The following TOB2 variants were observed in gnomAD, a reference collection of about 807,000 sequenced individuals.
The protein encoded by TOB2 is transducer of ERBB2, 2.
In TOB2, 3 loss-of-function variants were observed where a neutral mutation model predicts 17.3. That is an observed-to-expected ratio of 0.17 (90% CI 0.08 to 0.45). The LOEUF (loss-of-function observed/expected upper bound fraction) is 0.45. Ranked by LOEUF, TOB2 falls within the 20% of genes least tolerant of loss-of-function variation. The pLI is 0.99. For synonymous variants in TOB2, 163 were observed against 185.6 expected (o/e 0.88, Z 0.99); for missense variants, 407 against 445.7 (o/e 0.91, Z 0.78).
chr22:41,439,037 A>G (rs1707508986), intron 1 of TOB2, among the ~76,000 whole-genome samples: 1 of 152,196 alleles, frequency 6.6e-6, no homozygotes. Context: ...GAGGTCAAAA[A>G]GGTTTATTCC....
intron 1 of TOB2, among the ~76,000 whole-genome samples, chr22:41,442,625 A>G (rs539819196): frequency 6.6e-6 from 1 of 152,330 alleles, no homozygotes; most frequent in African/African-American, 2.4e-5. Flanking sequence ...TACAAAAATG[A>G]TGGACAACCA....
intron 1 of TOB2, among the ~76,000 whole-genome samples, chr22:41,439,150 T>G (rs2037586949): frequency 6.6e-6 from 1 of 152,162 alleles, no homozygotes; most frequent in Non-Finnish European, 1.5e-5. Flanking sequence ...CCGGGGCTCA[T>G]GCTGGGGGAG....
intron 1 of TOB2, among the ~76,000 whole-genome samples, chr22:41,444,160 G>A (rs756489162): frequency 8.5e-5 from 13 of 152,160 alleles, no homozygotes; most frequent in Non-Finnish European, 1.9e-4. Context: ...AGAGCCAAAC[G>A]CAGGCAGCTC....
At chr22:41,440,925 C>G (rs1051923642) in intron 1 of TOB2, among the ~76,000 whole-genome samples, 8 of 151,490 alleles carry the variant, frequency 5.3e-5, no homozygotes, top group African/African-American at 1.9e-4. Flanking sequence ...CCAGGCTGTT[C>G]TTGAACTCCT....
intron 1 of TOB2, among the ~76,000 whole-genome samples, chr22:41,441,579 G>C (rs543117787): frequency 6.6e-6 from 1 of 152,134 alleles, no homozygotes; most frequent in Non-Finnish European, 1.5e-5. Context: ...AGGAATTCAA[G>C]ACCAGCCTGG....
At chr22:41,441,787 TG>T (rs1273014344) in intron 1 of TOB2, among the ~76,000 whole-genome samples, 7 of 151,694 alleles carry the variant, frequency 4.6e-5, no homozygotes, top group Non-Finnish European at 7.4e-5. Flanking sequence ...GGCACACGCC[TG>T]TAACCTCAGC....
intron 1 of TOB2, among the ~76,000 whole-genome samples, chr22:41,440,211 C>T (rs1463005416): frequency 6.6e-6 from 1 of 150,932 alleles, no homozygotes; most frequent in African/African-American, 2.4e-5. Context: ...TCTGCCTCCC[C>T]GGTTCAAGCG....
rs1175502390 is a variant in TOB2, at chr22:41,435,607, G to A, written c.*704C>T. The A allele has an allele frequency of 2.0e-5, 3 of 152,702 alleles. No homozygotes were observed. The highest frequency in any genetic ancestry group is 1.3e-4 in the Admixed American group (2 of 15,278). The allele number at this position is 152,702 out of a possible 1,614,324, so 9.5% of individuals were successfully genotyped here. On this transcript the variant is annotated 3_prime_UTR_variant, in exon 2 of 2. Transcript: ENST00000327492. The stretch of plus-strand genomic sequence containing the variant: ...ATGGTCTGGGCCTAGAGGGAATGGT[G>A]GGGTGGGGCCATAGGACAGAGATGA...
rs900937137 is a variant in TOB2 at position 41,445,199 on chromosome 22, A to T, written c.-63+1180T>A. Reference sequence around the variant, plus strand: ...AGGAAAAGGTTCCCAGGCAGAGAAGAAAAAAACTGTACACCTGACACCTGA... The same window carrying T: ...AGGAAAAGGTTCCCAGGCAGAGAAGTAAAAAACTGTACACCTGACACCTGA... On this transcript the variant is annotated intron_variant, in intron 1 of 1. Coordinates refer to ENST00000327492, the MANE Select transcript of TOB2 (RefSeq NM_016272.4). Among the ~76,000 whole-genome samples, 121 of 152,334 alleles carry T rather than the reference A, an allele frequency of 7.9e-4. 2 individuals carry two copies. Among genetic ancestry groups the T allele is most frequent in the South Asian group, 2.1e-4 (1 of 4,830 alleles).
At chr22:41,444,273 CT>C (rs952266362) in intron 1 of TOB2, among the ~76,000 whole-genome samples, 2 of 152,158 alleles carry the variant, frequency 1.3e-5, no homozygotes, top group African/African-American at 2.4e-5. Context: ...CTGGTGCTGA[CT>C]GACTGCAACA....
At position 41,436,497 on chromosome 22, in the gene TOB2, T is replaced by C. The variant is rs1284452325; in HGVS notation, c.849A>G (p.Pro283=). 1 of 1,613,588 alleles carries C rather than the reference T, an allele frequency of 6.2e-7. No homozygotes were observed. The highest frequency in any genetic ancestry group is 1.3e-5 in the African/African-American group (1 of 74,896). ...CAGCCCCACTGCCTCCAAACGGGCCTGGGGTGCCGCTGCCCTGGCCATCGG... is the reference window on the plus strand; with the variant it reads ...CAGCCCCACTGCCTCCAAACGGGCCCGGGGTGCCGCTGCCCTGGCCATCGG... The part of the protein sequence containing the change: ...DAADGQGSGT[P]GPFGGSGAGT... The change falls in exon 2 of 2, where the codon CCA becomes CCG. Residue 283 remains proline (P), a synonymous_variant. Coordinates refer to ENST00000327492, the MANE Select transcript of TOB2 (RefSeq NM_016272.4). The surrounding 1 kb of genome is among the most constrained non-coding windows in gnomAD (Gnocchi z 4.8).
chr22:41,436,357 A>T lies in TOB2; in HGVS notation c.989T>A (p.Met330Lys). ...VEGLSYNLNT[M>K]QYPSQQFQPV... ...CTGGAACTGCTGGCTGGGATACTGC[A>T]TGGTGTTCAGGTTGTAGCTGAGGCC... Residue 330 changes from methionine (M) to lysine (K), a missense_variant, in exon 2 of 2, where the codon ATG (methionine) becomes AAG (lysine). Transcript: ENST00000327492. This position sits in a 1 kb window ranked among gnomAD's most constrained non-coding sequence, Gnocchi z 4.8. 6.2e-7 allele frequency: 1 copy of T among 1,607,816 alleles called. No homozygotes were observed. The highest frequency in any genetic ancestry group is 8.5e-7 in the Non-Finnish European group (1 of 1,176,788).
chr22:41,443,768 A>C (rs1251702155), intron 1 of TOB2, among the ~76,000 whole-genome samples: 1 of 150,124 alleles, frequency 6.7e-6, no homozygotes, highest in East Asian at 2.0e-4. Context: ...GGATTACAGG[A>C]ATGCGCCACC....
chr22:41,440,925 C>T (rs1051923642), intron 1 of TOB2, among the ~76,000 whole-genome samples: 2 of 151,490 alleles, frequency 1.3e-5, no homozygotes, highest in African/African-American at 2.4e-5. Flanking sequence ...CCAGGCTGTT[C>T]TTGAACTCCT....
Position 41,436,978 on chromosome 22 carries a change from G to C in TOB2, c.368C>G (p.Pro123Arg). Residue 123 changes from proline (P) to arginine (R), a missense_variant, in exon 2 of 2, where the codon CCA becomes CGA. Pro to Arg is a moderately radical substitution (Grantham distance 103). Coordinates refer to ENST00000327492, the MANE Select transcript of TOB2 (RefSeq NM_016272.4). This position sits in a 1 kb window ranked among gnomAD's most constrained non-coding sequence, Gnocchi z 4.8. ...YLDDSEGCGA[P>R]ELDKEIKSSF... ...GCTCTTGATCTCCTTGTCCAGCTCT[G>C]GGGCACCGCAACCCTCACTGTCATC... 3 of 1,614,130 alleles carry C rather than the reference G, an allele frequency of 1.9e-6. No homozygotes were observed. Among genetic ancestry groups the C allele is most frequent in the Non-Finnish European group, 2.5e-6 (3 of 1,180,028 alleles).
At position 41,434,280 on chromosome 22, in the gene TOB2, G is replaced by T. The variant is rs1461623247; in HGVS notation, c.*2031C>A. The T allele has an allele frequency of 6.5e-6, 1 of 153,666 alleles. No individual in the cohort carries two copies. The highest frequency in any genetic ancestry group is 2.4e-5 in the African/African-American group (1 of 41,432). 9.5% of individuals were successfully genotyped at this position (153,666 alleles called of 1,614,324 possible). The stretch of plus-strand genomic sequence containing the variant: ...TCTTCGTATTTCAAAAGACACAAAG[G>T]GGTTGGTCTCCCCTCTCTCCCTACA... On this transcript the variant is annotated 3_prime_UTR_variant, in exon 2 of 2. Coordinates refer to ENST00000327492, the MANE Select transcript of TOB2 (RefSeq NM_016272.4).
intron 1 of TOB2, among the ~76,000 whole-genome samples, chr22:41,438,985 C>T (rs2037585690): frequency 6.6e-6 from 1 of 152,130 alleles, no homozygotes; most frequent in Non-Finnish European, 1.5e-5. Context: ...AAGATAAACA[C>T]CAGATTGTTA....
chr22:41,444,420 AC>A (rs1026403495), intron 1 of TOB2, among the ~76,000 whole-genome samples: 2 of 152,176 alleles, frequency 1.3e-5, no homozygotes, highest in Non-Finnish European at 2.9e-5. Flanking sequence ...ACTCGACTCA[AC>A]CCAAACGTAG....
Position 41,436,518 on chromosome 22 carries a change from A to C in TOB2, c.828T>G (p.Asp276Glu). Residue 276 changes from aspartate to glutamate, a missense_variant, in exon 2 of 2, where the codon GAT becomes GAG. Asp to Glu is a conservative substitution (Grantham distance 45). Coordinates refer to ENST00000327492, the MANE Select transcript of TOB2 (RefSeq NM_016272.4). The surrounding 1 kb of genome is among the most constrained non-coding windows in gnomAD (Gnocchi z 4.8). ...GGCCTGGGGTGCCGCTGCCCTGGCC[A>C]TCGGCCGCATCAAAGAAGAGGCTGG... ...GSPSLFFDAA[D>E]GQGSGTPGPF... The C allele has an allele frequency of 6.2e-7, 1 of 1,612,082 alleles. No individual in the cohort carries two copies.
Sources: gnomAD v4.1 joint callset for allele counts (sites outside exome capture counted in the v4.1 genomes callset) on GRCh38, gnomAD v4.1.1 for gene constraint, Gnocchi (gnomAD v3.1) non-coding constraint, MANE v1.5 for transcripts, NCBI Gene and HGNC (gene_info 2026-07-23, HGNC 2026-07-21) for gene names.